POLA1: variants seen among roughly 807,000 people sequenced by gnomAD.
POLA1 encodes DNA polymerase alpha 1, catalytic subunit.
POLA1 carries 15 observed loss-of-function variants against 124.0 expected under a neutral mutation model. The observed-to-expected ratio is 0.12, with a 90% CI of 0.08 to 0.19. The LOEUF (loss-of-function observed/expected upper bound fraction) is 0.19, where lower values mean the gene tolerates loss of function less well. Among genes scored for constraint, POLA1 ranks in the 10% least tolerant of loss-of-function variants. The probability of loss-of-function intolerance (pLI) is 1.00; values close to 1 mark genes in which losing one functional copy is unlikely to be tolerated. For synonymous variants in POLA1, 408 were observed against 389.4 expected (o/e 1.05, Z -0.56); for missense variants, 886 against 1,103.4 (o/e 0.80, Z 2.79).
intron 10 of POLA1, 118 bp downstream of exon 10, chrX:24,717,876 GTT>G: frequency 2.3e-6 from 1 of 436,510 alleles, no homozygotes; most frequent in Non-Finnish European, 3.6e-6. Context: ...GTTTATTTCT[GTT>G]TTTTTTTTCT....
intron 26 of POLA1, among the ~76,000 whole-genome samples, chrX:24,780,482 T>G (rs192007708): frequency 4.4e-4 from 50 of 112,891 alleles, no homozygotes; most frequent in Non-Finnish European, 8.4e-4. Flanking sequence ...TTCTACTTTC[T>G]TGAGGGTTTT....
intron 35 of POLA1, among the ~76,000 whole-genome samples, chrX:24,892,914 C>T (rs2047160078): frequency 8.9e-6 from 1 of 112,144 alleles, no homozygotes; most frequent in African/African-American, 3.2e-5. Context: ...GTGTTTCTCA[C>T]ATTTTCCTCA....
intron 36 of POLA1, among the ~76,000 whole-genome samples, chrX:24,973,395 A>AG (rs1569382091): frequency 1.8e-5 from 2 of 110,470 alleles, no homozygotes; most frequent in African/African-American, 6.7e-5. Context: ...AAGAAAAAGA[A>AG]AGAGAGAGAG....
Position 24,811,943 on chromosome X carries a change from A to G in POLA1, c.3091-715A>G, listed in dbSNP as rs182589072. Among the ~76,000 whole-genome samples, 33 of 112,726 alleles carry G rather than the reference A, an allele frequency of 2.9e-4. No homozygotes were observed. The East Asian group carries it at 9.2e-3, about 31-fold the overall frequency. On this transcript the variant is annotated intron_variant, in intron 28 of 36. Coordinates refer to ENST00000379068, the MANE Select transcript of POLA1 (RefSeq NM_001330360.2). Reference sequence around the variant, plus strand: ...TCACAGTGTTTTAGAAACACTTGCTATGTTAAGATGTTGTCCCCATGAACT... The same window carrying G: ...TCACAGTGTTTTAGAAACACTTGCTGTGTTAAGATGTTGTCCCCATGAACT...
At chrX:24,698,229 A>G (rs970306256) in intron 1 of POLA1, among the ~76,000 whole-genome samples, 1 of 112,109 alleles carries the variant, frequency 8.9e-6, no homozygotes, top group African/African-American at 3.2e-5. Flanking sequence ...GGCGTGAGCC[A>G]CTGCATCCGC....
intron 34 of POLA1, among the ~76,000 whole-genome samples, chrX:24,852,984 A>C (rs2046586202): frequency 8.9e-6 from 1 of 112,567 alleles, no homozygotes. Context: ...CCCAGGATTT[A>C]CATCTATATG....
intron 6 of POLA1, 39 bp downstream of exon 6, chrX:24,715,242 C>T (rs747990628): frequency 3.6e-6 from 3 of 843,129 alleles, no homozygotes; most frequent in Admixed American, 4.7e-5. Context: ...ATGCAGAGGA[C>T]ATAGACTGAA....
At chrX:24,720,170 T>C (rs1930117738) in intron 10 of POLA1, among the ~76,000 whole-genome samples, 1 of 112,154 alleles carries the variant, frequency 8.9e-6, no homozygotes, top group African/African-American at 3.2e-5. Flanking sequence ...CTGATTGGAA[T>C]GTGCTCATCT....
At chrX:24,988,647 A>G (rs2048502962) in intron 36 of POLA1, among the ~76,000 whole-genome samples, 1 of 112,148 alleles carries the variant, frequency 8.9e-6, no homozygotes, top group African/African-American at 3.2e-5. Flanking sequence ...TAGAAGCCTT[A>G]TAAGTAGAGA....
intron 36 of POLA1, among the ~76,000 whole-genome samples, chrX:24,944,186 A>G (rs1453803662): frequency 8.9e-6 from 1 of 111,951 alleles, no homozygotes; most frequent in Non-Finnish European, 1.9e-5. Context: ...TAAGCGGCAA[A>G]GCTTTTCATG....
intron 36 of POLA1, among the ~76,000 whole-genome samples, chrX:24,943,082 C>T (rs1337153019): frequency 1.8e-5 from 2 of 112,695 alleles, no homozygotes; most frequent in African/African-American, 6.5e-5. Flanking sequence ...TTGATCCATC[C>T]TACAGGATAC....
chrX:24,778,314 T>G (rs1288218283), intron 26 of POLA1, among the ~76,000 whole-genome samples: 1 of 111,423 alleles, frequency 9.0e-6, no homozygotes, highest in African/African-American at 3.3e-5. Context: ...CACTGCACCC[T>G]CCACCTCCCA....
intron 36 of POLA1, among the ~76,000 whole-genome samples, chrX:24,993,881 C>T (rs1259144396): frequency 1.8e-5 from 2 of 112,008 alleles, no homozygotes; most frequent in Admixed American, 9.4e-5. Context: ...GGAAGAGCAC[C>T]GAGTGACGCT....
intron 36 of POLA1, among the ~76,000 whole-genome samples, chrX:24,989,568 C>A (rs766584810): frequency 3.6e-5 from 4 of 111,095 alleles, no homozygotes; most frequent in African/African-American, 1.3e-4. Flanking sequence ...CACAGGCATG[C>A]GCCACCATTC....
chrX:24,727,924 C>T lies in POLA1; in HGVS notation c.1674C>T (p.Asn558=). The T allele has an allele frequency of 1.7e-6, 2 of 1,207,091 alleles. No individual in the cohort carries two copies. Among genetic ancestry groups the T allele is most frequent in the Non-Finnish European group, 2.2e-6 (2 of 892,231 alleles). ...TGAAGACAATGCAGAATGCAAAGAACCATCAAAATGAGGTTTAAAAAATAG... is the reference window on the plus strand; with the variant it reads ...TGAAGACAATGCAGAATGCAAAGAATCATCAAAATGAGGTTTAAAAAATAG... ...FSMKTMQNAK[N]HQNEIIAMAA... Residue 558 remains asparagine, a synonymous_variant, in exon 15 of 37, where the codon AAC becomes AAT. Coordinates refer to ENST00000379068, the MANE Select transcript of POLA1 (RefSeq NM_001330360.2).
At chrX:24,805,265 T>C (rs1336381355) in intron 26 of POLA1, among the ~76,000 whole-genome samples, 1 of 111,405 alleles carries the variant, frequency 9.0e-6, no homozygotes, top group African/African-American at 3.3e-5. Context: ...GTTATTTTAA[T>C]AGAGTCCCAT....
At chrX:24,726,086 T>C (rs766384189) in intron 13 of POLA1, 31 bp downstream of exon 13, 1 of 898,698 alleles carries the variant, frequency 1.1e-6, no homozygotes, top group South Asian at 2.2e-5. Flanking sequence ...TACTGGGTTT[T>C]GCTTGAGAAT....
rs2047760129 is a variant in POLA1 at position 24,930,496 on chromosome X, A to G, written c.4208A>G (p.Tyr1403Cys). 13 of 1,197,877 alleles carry G rather than the reference A, an allele frequency of 1.1e-5. No homozygotes were observed. Among genetic ancestry groups the G allele is most frequent in the Non-Finnish European group, 1.5e-5 (13 of 883,718 alleles). The change falls in exon 36 of 37, where the codon TAC (tyrosine) becomes TGC (cysteine). Residue 1403 changes from tyrosine to cysteine, a missense_variant. Physicochemically the swap from Tyr to Cys is radical, Grantham distance 194. Around this residue, in one of 7 missense-constraint regions of POLA1, gnomAD observed 313 missense variants for 359.7 expected, o/e 0.87. Transcript: ENST00000379068. Reference sequence around the variant, plus strand: ...TACACCCAGCTGTGCTTTTACCGGTACATTTTTGATGCGGAGTGTGCACTG... The same window carrying G: ...TACACCCAGCTGTGCTTTTACCGGTGCATTTTTGATGCGGAGTGTGCACTG... ...SLYTQLCFYR[Y>C]IFDAECALEK...
At chrX:24,817,332 G>A (rs948810719) in intron 30 of POLA1, among the ~76,000 whole-genome samples, 5 of 111,235 alleles carry the variant, frequency 4.5e-5, no homozygotes. Context: ...ACTGTCGGCC[G>A]GGCGCGGTGG....
Sources: allele counts gnomAD v4.1 joint callset (sites outside exome capture counted in the v4.1 genomes callset), GRCh38; gene constraint gnomAD v4.1.1; regional missense constraint gnomAD v4.1.1; transcripts MANE v1.5; gene names NCBI Gene and HGNC (gene_info 2026-07-23, HGNC 2026-07-21).